Variants in CNTN5 observed in about 807,000 individuals in gnomAD.
The protein encoded by CNTN5 is contactin-5.
A neutral mutation model predicts 129.1 loss-of-function variants in CNTN5; 77 were observed. That is an observed-to-expected ratio of 0.60 (90% CI 0.50 to 0.72). The LOEUF (loss-of-function observed/expected upper bound fraction) is 0.72, where lower values mean the gene tolerates loss of function less well. Among genes scored for constraint, CNTN5 ranks in the 30% least tolerant of loss-of-function variants. CNTN5 has a pLI of 0.00. For synonymous variants in CNTN5, 509 were observed against 465.6 expected (o/e 1.09, Z -1.20); for missense variants, 1,478 against 1,328.8 (o/e 1.11, Z -1.75).
At chr11:99,331,593 C>T (rs1161815323) in intron 2 of CNTN5, among the ~76,000 whole-genome samples, 3 of 152,056 alleles carry the variant, frequency 2.0e-5, no homozygotes, top group Admixed American at 1.3e-4. Context: ...CTTTCTTTTA[C>T]CTGTAAAATA....
intron 3 of CNTN5, among the ~76,000 whole-genome samples, chr11:99,771,104 A>G (rs1944930277): frequency 1.3e-5 from 2 of 152,186 alleles, no homozygotes; most frequent in Middle Eastern, 3.4e-3. Flanking sequence ...ACAGAATATC[A>G]TATCATTTCA....
At chr11:99,314,301 T>C (rs1865242790) in intron 1 of CNTN5, among the ~76,000 whole-genome samples, 1 of 152,080 alleles carries the variant, frequency 6.6e-6, no homozygotes, top group Admixed American at 6.6e-5. Flanking sequence ...ATTTTAGCTA[T>C]CCATATCTCA....
In CNTN5 at chr11:100,350,880, G is replaced by A; in HGVS notation, c.3199+10G>A. 1 of 1,530,456 alleles carries A rather than the reference G, an allele frequency of 6.5e-7. No individual in the cohort carries two copies. Among genetic ancestry groups the A allele is most frequent in the Non-Finnish European group, 8.8e-7 (1 of 1,130,904 alleles). The allele number at this position is 1,530,456 out of a possible 1,614,324, so 94.8% of individuals were successfully genotyped here. On this transcript the variant is annotated intron_variant, in intron 24 of 24. Transcript: ENST00000524871. ...GTACCATCATATTCAGGTAAGTTTT[G>A]ACACAGTAGATTTAATTTGCTGACA... is the stretch of plus-strand genomic sequence containing the variant.
chr11:99,616,016 G>GTAA (rs2135745515), intron 3 of CNTN5, among the ~76,000 whole-genome samples: 2 of 152,222 alleles, frequency 1.3e-5, no homozygotes, highest in South Asian at 4.1e-4. Context: ...GATTACATGT[G>GTAA]TAAGCCACCA....
intron 18 of CNTN5, among the ~76,000 whole-genome samples, chr11:100,295,139 CTT>C (rs1591488141): frequency 1.3e-5 from 2 of 151,664 alleles, no homozygotes; most frequent in East Asian, 3.9e-4. Flanking sequence ...TAATGCCTCT[CTT>C]GTCAGTTATT....
intron 2 of CNTN5, among the ~76,000 whole-genome samples, chr11:99,416,318 C>T (rs907641027): frequency 6.6e-6 from 1 of 151,884 alleles, no homozygotes; most frequent in South Asian, 2.1e-4. Context: ...TGTTCTGTCA[C>T]CCAGGCTGAC....
intron 9 of CNTN5, among the ~76,000 whole-genome samples, chr11:100,025,738 T>C (rs774866650): frequency 1.4e-4 from 21 of 152,212 alleles, no homozygotes; most frequent in Non-Finnish European, 2.2e-4. Context: ...ACTGCCTCAC[T>C]GGATTTTGGA....
rs529841560 is a variant in CNTN5, at chr11:100,298,007, C to A, written c.2385+312C>A. On this transcript the variant is annotated intron_variant, in intron 19 of 24. Transcript: ENST00000524871. ...ATTTGTGTCATTTTATCTATCTCAT[C>A]ATATGCCTCCAAAGTATCATTTGTC... Among the ~76,000 whole-genome samples, 5 of 151,582 alleles carry A rather than the reference C, an allele frequency of 3.3e-5. No individual in the cohort carries two copies. The South Asian group carries it at 1.0e-3, about 31-fold the overall frequency.
intron 3 of CNTN5, among the ~76,000 whole-genome samples, chr11:99,786,199 T>C (rs1397008359): frequency 6.6e-6 from 1 of 152,072 alleles, no homozygotes; most frequent in African/African-American, 2.4e-5. Context: ...AAAGAATTCC[T>C]ATACACCAAT....
chr11:99,153,227 C>T (rs1024984056), intron 1 of CNTN5, among the ~76,000 whole-genome samples: 9 of 152,080 alleles, frequency 5.9e-5, no homozygotes, highest in African/African-American at 9.7e-5. Context: ...AATGATATCC[C>T]GAAACATAGT....
At chr11:100,179,000 G>C (rs183712489) in intron 13 of CNTN5, among the ~76,000 whole-genome samples, 1 of 152,062 alleles carries the variant, frequency 6.6e-6, no homozygotes, top group Non-Finnish European at 1.5e-5. Context: ...CACATGACCT[G>C]TTTTGATACA....
chr11:100,002,448 T>G (rs565949450), intron 9 of CNTN5, among the ~76,000 whole-genome samples: 35 of 152,262 alleles, frequency 2.3e-4, no homozygotes, highest in Non-Finnish European at 4.4e-4. Context: ...CATTCAGTCC[T>G]TATGTAAATA....
intron 10 of CNTN5, among the ~76,000 whole-genome samples, chr11:100,067,356 AT>A (rs1393134902): frequency 2.0e-5 from 3 of 151,812 alleles, no homozygotes; most frequent in Admixed American, 6.6e-5. Context: ...TTGTGTATGT[AT>A]TTGTTTGGAC....
At position 100,070,589 on chromosome 11, in the gene CNTN5, G is replaced by C. The variant is rs759367377; in HGVS notation, c.1299+29G>C. On this transcript the variant is annotated intron_variant, in intron 11 of 24. Coordinates refer to ENST00000524871, the MANE Select transcript of CNTN5 (RefSeq NM_014361.4). ...CTGTTGGGAGTTATTAACCTGTTCT[G>C]CTGTAATTTTAGCGAGATTTCACAC... The C allele has an allele frequency of 3.4e-5, 55 of 1,610,066 alleles. No homozygotes were observed. In the Middle Eastern group the frequency reaches 9.9e-4, roughly 29 times the overall value.
chr11:99,099,651 A>C (rs1866630652), intron 1 of CNTN5, among the ~76,000 whole-genome samples: 1 of 151,906 alleles, frequency 6.6e-6, no homozygotes, highest in African/African-American at 2.4e-5. Flanking sequence ...CCAGACTCCC[A>C]CTTCCTAGTT....
At chr11:99,442,705 C>T (rs1943888118) in intron 2 of CNTN5, among the ~76,000 whole-genome samples, 1 of 152,112 alleles carries the variant, frequency 6.6e-6, no homozygotes, top group South Asian at 2.1e-4. Flanking sequence ...TTGTAAAATC[C>T]ATGCTTTAGT....
intron 13 of CNTN5, among the ~76,000 whole-genome samples, chr11:100,123,765 G>A (rs1225340253): frequency 2.0e-5 from 3 of 151,796 alleles, no homozygotes; most frequent in African/African-American, 4.8e-5. Flanking sequence ...AAATGGGTTC[G>A]GTGGATTATA....
intron 3 of CNTN5, among the ~76,000 whole-genome samples, chr11:99,673,482 AG>A (rs1389824777): frequency 1.3e-5 from 2 of 152,094 alleles, no homozygotes; most frequent in Admixed American, 1.3e-4. Context: ...CAGGATATGA[AG>A]GTTTGTTACA....
At chr11:99,969,830 G>T (rs751849500) in intron 8 of CNTN5, among the ~76,000 whole-genome samples, 22 of 151,966 alleles carry the variant, frequency 1.4e-4, no homozygotes, top group Non-Finnish European at 2.8e-4. Flanking sequence ...CTTGGCCTTT[G>T]TTCCATGAAG....
Sources: allele counts gnomAD v4.1 joint callset (sites outside exome capture counted in the v4.1 genomes callset), GRCh38; gene constraint gnomAD v4.1.1; transcripts MANE v1.5; gene names NCBI Gene and HGNC (gene_info 2026-07-23, HGNC 2026-07-21).